DISC1: variants seen among roughly 807,000 people sequenced by gnomAD.
DISC1 encodes the protein DISC1 scaffold protein, also known as disrupted in schizophrenia 1 protein.
In DISC1, 57 loss-of-function variants were observed where a neutral mutation model predicts 84.5. That is an observed-to-expected ratio of 0.67 (90% confidence interval 0.55 to 0.84). The LOEUF (loss-of-function observed/expected upper bound fraction) is 0.84, where lower values mean the gene tolerates loss of function less well. Ranked by LOEUF, DISC1 falls within the 40% of genes least tolerant of loss-of-function variation. The pLI, the probability that DISC1 is intolerant of heterozygous loss-of-function variation, is 0.00. For missense variants in DISC1, 1,000 were observed against 1,057.8 expected (o/e 0.95, Z 0.76); for synonymous variants, 411 against 415.2 (o/e 0.99, Z 0.12).
chr1:231,686,039 G>C (rs1432959694), intron 1 of DISC1, among the ~76,000 whole-genome samples: 1 of 152,206 alleles, frequency 6.6e-6, no homozygotes, highest in Non-Finnish European at 1.5e-5. Flanking sequence ...CCAAGAGGTG[G>C]GTTCCCATGG....
At chr1:231,951,091 G>A (rs942340371) in intron 9 of DISC1, among the ~76,000 whole-genome samples, 1 of 152,224 alleles carries the variant, frequency 6.6e-6, no homozygotes, top group African/African-American at 2.4e-5. Context: ...TGAGTCACAG[G>A]ATGATGTCCC....
intron 10 of DISC1, among the ~76,000 whole-genome samples, chr1:231,970,893 G>A (rs891060555): frequency 6.6e-6 from 1 of 152,198 alleles, no homozygotes; most frequent in African/African-American, 2.4e-5. Flanking sequence ...CTTTCTTTAA[G>A]TTGGCAGAAA....
intron 9 of DISC1, among the ~76,000 whole-genome samples, chr1:231,874,165 T>C (rs1378113126): frequency 1.3e-5 from 2 of 152,012 alleles, no homozygotes; most frequent in Non-Finnish European, 2.9e-5. Context: ...TAATCTTTTA[T>C]TTTTTATTTT....
chr1:231,991,197 G>C (rs942745040), intron 10 of DISC1, among the ~76,000 whole-genome samples: 3 of 152,236 alleles, frequency 2.0e-5, no homozygotes, highest in African/African-American at 7.2e-5. Context: ...TATTTTGGGT[G>C]AGAGCTTGTT....
chr1:231,648,252 G>A (rs1421526284), intron 1 of DISC1, among the ~76,000 whole-genome samples: 1 of 152,050 alleles, frequency 6.6e-6, no homozygotes, highest in Admixed American at 6.6e-5. Flanking sequence ...CTAGTTTATT[G>A]AGTTTTTAGC....
intron 1 of DISC1, among the ~76,000 whole-genome samples, chr1:231,628,826 T>G (rs1252113361): frequency 2.0e-5 from 3 of 152,214 alleles, no homozygotes; most frequent in Non-Finnish European, 4.4e-5. Flanking sequence ...ACTGTAGCCT[T>G]GAACTCCTGG....
chr1:231,986,028 G>A (rs1371011918), intron 10 of DISC1, among the ~76,000 whole-genome samples: 1 of 152,194 alleles, frequency 6.6e-6, no homozygotes, highest in Non-Finnish European at 1.5e-5. Context: ...GTAACTCTGA[G>A]CAAATACCAG....
intron 3 of DISC1, among the ~76,000 whole-genome samples, chr1:231,735,944 C>A (rs1427296782): frequency 6.6e-6 from 1 of 152,148 alleles, no homozygotes. Context: ...TCCTGAGTAG[C>A]TGAGACTACA....
intron 9 of DISC1, among the ~76,000 whole-genome samples, chr1:231,868,726 A>G: frequency 1.1e-5 from 1 of 90,816 alleles, no homozygotes; most frequent in African/African-American, 4.4e-5. Flanking sequence ...ATATATATAT[A>G]TATATATATT....
chr1:231,804,358 A>G (rs2079540714), intron 8 of DISC1, among the ~76,000 whole-genome samples: 1 of 152,136 alleles, frequency 6.6e-6, no homozygotes, highest in African/African-American at 2.4e-5. Context: ...GGCCTGTTCC[A>G]TTTATTTACT....
In DISC1 at chr1:231,630,106, T is replaced by A. The variant is rs1386197190; in HGVS notation, c.67+3172T>A. ...CCACCACATCCAGCTAATTTTTGTA[T>A]TTTTAATACAGACAGGGTTTCACCA... On this transcript the variant is annotated intron_variant, in intron 1 of 12. Transcript: ENST00000439617. The surrounding 1 kb of genome is among the most constrained non-coding windows in gnomAD (Gnocchi z 4.4). Among the ~76,000 whole-genome samples the A allele has an allele frequency of 6.6e-6, 1 of 152,108 alleles. No homozygotes were observed. Among genetic ancestry groups the A allele is most frequent in the African/African-American group, 2.4e-5 (1 of 41,408 alleles).
intron 1 of DISC1, among the ~76,000 whole-genome samples, chr1:231,643,246 T>C (rs191140155): frequency 2.4e-4 from 36 of 152,320 alleles, no homozygotes; most frequent in African/African-American, 7.9e-4. Context: ...GTTTCACTCA[T>C]AGAAAAACCC....
intron 9 of DISC1, among the ~76,000 whole-genome samples, chr1:231,859,959 C>T (rs1256628981): frequency 1.3e-5 from 2 of 152,050 alleles, no homozygotes; most frequent in African/African-American, 4.8e-5. Context: ...ATGTGGGTTC[C>T]CATGGCAAGG....
chr1:231,733,790 G>T (rs1422763468), intron 3 of DISC1, among the ~76,000 whole-genome samples: 3 of 93,918 alleles, frequency 3.2e-5, no homozygotes, highest in East Asian at 6.6e-4. Flanking sequence ...GTGATTGTGG[G>T]AGTGGTGGTG....
At chr1:231,693,713 T>C in intron 1 of DISC1, 113 bp from the exon 2 acceptor site, 3 of 1,529,626 alleles carry the variant, frequency 2.0e-6, no homozygotes, top group Non-Finnish European at 2.7e-6. Flanking sequence ...CATCTATCTT[T>C]GACAGGTGTA....
intron 9 of DISC1, among the ~76,000 whole-genome samples, chr1:231,941,496 T>C (rs1209396981): frequency 6.6e-6 from 1 of 150,960 alleles, no homozygotes; most frequent in Non-Finnish European, 1.5e-5. Context: ...TTTTTTTAGA[T>C]GGAGTCTTGC....
At chr1:231,978,679 G>A (rs903702602) in intron 10 of DISC1, among the ~76,000 whole-genome samples, 1 of 152,154 alleles carries the variant, frequency 6.6e-6, no homozygotes, top group African/African-American at 2.4e-5. Context: ...GCCAATGAGA[G>A]CCCCTTCAGA....
intron 9 of DISC1, among the ~76,000 whole-genome samples, chr1:231,829,569 C>T (rs921858707): frequency 2.6e-5 from 4 of 152,228 alleles, no homozygotes; most frequent in East Asian, 1.9e-4. Flanking sequence ...CTAGAGTGGT[C>T]TCGAACTCCT....
At chr1:232,004,951 T>TCCATCTTC (rs1667194053) in intron 10 of DISC1, among the ~76,000 whole-genome samples, 2 of 69,706 alleles carry the variant, frequency 2.9e-5, no homozygotes, top group African/African-American at 1.3e-4. Flanking sequence ...TTCCTTTCCT[T>TCCATCTTC]CCTTCCTTCC....
Sources: allele counts gnomAD v4.1 joint callset (sites outside exome capture counted in the v4.1 genomes callset), GRCh38; gene constraint gnomAD v4.1.1; non-coding constraint Gnocchi (gnomAD v3.1); transcripts MANE v1.5; gene names NCBI Gene and HGNC (gene_info 2026-07-23, HGNC 2026-07-21).